The following KIAA1217 variants were observed in gnomAD, a reference collection of about 807,000 sequenced individuals.
KIAA1217 encodes the protein KIAA1217.
Under a neutral mutation model 163.9 loss-of-function variants are expected in KIAA1217, and 88 were observed. That is an observed-to-expected ratio of 0.54 (90% CI 0.45 to 0.64). KIAA1217 has a LOEUF of 0.64. KIAA1217 is among the 30% of genes least tolerant of loss of function. KIAA1217 has a pLI of 0.00. For missense variants in KIAA1217, 2,372 were observed against 2,475.0 expected (o/e 0.96, Z 0.88); for synonymous variants, 903 against 923.1 (o/e 0.98, Z 0.39).
chr10:23,888,273 T>G (rs1039267086), intron 1 of KIAA1217, among the ~76,000 whole-genome samples: 1 of 151,944 alleles, frequency 6.6e-6, no homozygotes. Context: ...AACACCAATT[T>G]GACCTCATTC....
At chr10:24,330,300 C>CA (rs397846537) in intron 2 of KIAA1217, among the ~76,000 whole-genome samples, 25,580 of 93,872 alleles carry the variant, frequency 0.27, 2,737 homozygotes, top group East Asian at 0.44. Context: ...AACTCCATCT[C>CA]AAAAAAAAAA....
intron 7 of KIAA1217, 190 bp from the exon 8 acceptor site, chr10:24,494,957 C>A (rs1400886154): frequency 1.7e-6 from 1 of 594,964 alleles, no homozygotes; most frequent in Non-Finnish European, 2.9e-6. Flanking sequence ...CTGCATTCCA[C>A]CCCCAGTGTC....
At chr10:24,411,790 G>T (rs1215088621) in intron 3 of KIAA1217, among the ~76,000 whole-genome samples, 2 of 151,838 alleles carry the variant, frequency 1.3e-5, no homozygotes. Flanking sequence ...TCGTGTCATG[G>T]CTCTCATCTA....
At chr10:24,296,108 CT>C (rs2040569028) in intron 2 of KIAA1217, among the ~76,000 whole-genome samples, 2 of 151,726 alleles carry the variant, frequency 1.3e-5, no homozygotes, top group Non-Finnish European at 2.9e-5. Context: ...CATTTTTTTT[CT>C]TTTTTCTTTT....
At chr10:24,320,090 T>C (rs2043941773) in intron 2 of KIAA1217, among the ~76,000 whole-genome samples, 1 of 152,232 alleles carries the variant, frequency 6.6e-6, no homozygotes. Context: ...AGTGGAATTA[T>C]ATGTATGATA....
At position 23,812,933 on chromosome 10, in the gene KIAA1217, A is replaced by G. The variant is rs141663524; in HGVS notation, c.-321+117699A>G. On this transcript the variant is annotated intron_variant, in intron 1 of 18. Transcript: ENST00000376462. ...CATGTGCAACTTTTTGTGTGGACCT[A>G]TGTTTTTCTCTCTTGGGTGTAAACA... is the stretch of plus-strand genomic sequence containing the variant. 3.3e-3 allele frequency among the ~76,000 whole-genome samples: 496 copies of G among 152,174 alleles called. 2 individuals are homozygous for G. The highest frequency in any genetic ancestry group is 0.011 in the African/African-American group (456 of 41,502).
intron 1 of KIAA1217, among the ~76,000 whole-genome samples, chr10:23,705,734 C>T (rs1836840184): frequency 6.6e-6 from 1 of 152,024 alleles, no homozygotes; most frequent in Non-Finnish European, 1.5e-5. Flanking sequence ...ACTTGAGTTT[C>T]CACATACATT....
At chr10:23,772,790 A>G (rs1458265142) in intron 1 of KIAA1217, among the ~76,000 whole-genome samples, 1 of 152,244 alleles carries the variant, frequency 6.6e-6, no homozygotes, top group African/African-American at 2.4e-5. Context: ...TTCTGACAAC[A>G]TAATTGTTCA....
At chr10:23,925,087 T>C (rs1379722281) in intron 1 of KIAA1217, among the ~76,000 whole-genome samples, 2 of 152,072 alleles carry the variant, frequency 1.3e-5, no homozygotes, top group Non-Finnish European at 2.9e-5. Flanking sequence ...AAAGTGTTCA[T>C]ATTACTTAGA....
At chr10:23,945,627 T>C (rs1366655014) in intron 1 of KIAA1217, among the ~76,000 whole-genome samples, 1 of 152,162 alleles carries the variant, frequency 6.6e-6, no homozygotes, top group South Asian at 2.1e-4. Flanking sequence ...AAAAAACTCA[T>C]CTCAGGGAAC....
intron 1 of KIAA1217, among the ~76,000 whole-genome samples, chr10:23,946,778 C>A (rs1481559531): frequency 6.6e-6 from 1 of 152,128 alleles, no homozygotes; most frequent in Non-Finnish European, 1.5e-5. Flanking sequence ...GGAATGGGGT[C>A]AGGAAGAACT....
upstream of KIAA1217, among the ~76,000 whole-genome samples, chr10:24,206,813 C>A (rs926260839): frequency 6.6e-5 from 10 of 152,036 alleles, no homozygotes; most frequent in Non-Finnish European, 1.5e-4. Context: ...GTGGGCTTGG[C>A]CCGTATGGGG....
intron 2 of KIAA1217, among the ~76,000 whole-genome samples, chr10:24,336,780 C>CA (rs1464942962): frequency 6.6e-6 from 1 of 152,158 alleles, no homozygotes; most frequent in East Asian, 1.9e-4. Flanking sequence ...AAATTATTTT[C>CA]AACAACAGTG....
In KIAA1217 at chr10:23,851,078, A is replaced by C. The variant is rs148784290; in HGVS notation, c.-321+155844A>C. Among the ~76,000 whole-genome samples the C allele has an allele frequency of 4.8e-3, 734 of 152,130 alleles. 10 individuals are homozygous for C. The highest frequency in any genetic ancestry group is 0.016 in the African/African-American group (663 of 41,514). On this transcript the variant is annotated intron_variant, in intron 1 of 18. Coordinates refer to the KIAA1217 transcript ENST00000376462. ...GGCACAATGTGCAGGTTAGTTACAT[A>C]TGTATACATGTGCCATGCTGGTGTG...
intron 1 of KIAA1217, among the ~76,000 whole-genome samples, chr10:23,976,675 A>G (rs1046133503): frequency 8.5e-5 from 13 of 152,176 alleles, no homozygotes; most frequent in South Asian, 2.1e-4. Context: ...ATGTGGAGGA[A>G]ATTTGGAGGG....
At position 23,935,493 on chromosome 10, in the gene KIAA1217, C is replaced by T. The variant is rs546896137; in HGVS notation, c.-320-71732C>T. On this transcript the variant is annotated intron_variant, in intron 1 of 18. Transcript: ENST00000376462. Reference sequence around the variant, plus strand: ...ATTCTCAATTTAATATGCAGTGTAACCAAAAATTTTATAAACTAGATGATT... The same window carrying T: ...ATTCTCAATTTAATATGCAGTGTAATCAAAAATTTTATAAACTAGATGATT... Among the ~76,000 whole-genome samples the T allele has an allele frequency of 1.2e-4, 18 of 152,198 alleles. 1 individual carries two copies. The South Asian group carries it at 1.7e-3, about 14-fold the overall frequency.
At chr10:24,247,317 G>T (rs1238214208) in intron 2 of KIAA1217, among the ~76,000 whole-genome samples, 4 of 151,866 alleles carry the variant, frequency 2.6e-5, no homozygotes, top group Non-Finnish European at 5.9e-5. Context: ...TAGAGGCGGG[G>T]TCTCACTGTG....
intron 2 of KIAA1217, among the ~76,000 whole-genome samples, chr10:24,079,092 G>A (rs979214451): frequency 6.6e-6 from 1 of 152,210 alleles, no homozygotes. Flanking sequence ...CAAACCTGAC[G>A]ATACAGGAGA....
At chr10:24,351,707 A>G (rs1487571266) in intron 2 of KIAA1217, among the ~76,000 whole-genome samples, 2 of 152,188 alleles carry the variant, frequency 1.3e-5, no homozygotes, top group African/African-American at 4.8e-5. Flanking sequence ...GTTCTAGATT[A>G]GTAGTAGTAA....
Sources: gnomAD v4.1 joint callset for allele counts (sites outside exome capture counted in the v4.1 genomes callset) on GRCh38, gnomAD v4.1.1 for gene constraint, MANE v1.5 for transcripts, NCBI Gene and HGNC (gene_info 2026-07-23, HGNC 2026-07-21) for gene names.